NCOR2: variants seen among roughly 807,000 people sequenced by gnomAD.
NCOR2 encodes the protein CTG repeat protein 26.
In NCOR2, 81 loss-of-function variants were observed where a neutral mutation model predicts 262.9. That is an observed-to-expected ratio of 0.31 (90% CI 0.26 to 0.37). The LOEUF (loss-of-function observed/expected upper bound fraction) is 0.37. Ranked by LOEUF, NCOR2 falls within the 10% of genes least tolerant of loss-of-function variation. The pLI is 1.00. For missense variants in NCOR2, 3,385 were observed against 3,621.4 expected (o/e 0.93, Z 1.68); for synonymous variants, 1,659 against 1,559.3 (o/e 1.06, Z -1.51).
chr12:124,470,770 C>G, intron 4 of NCOR2, among the ~76,000 whole-genome samples: 1 of 152,216 alleles, frequency 6.6e-6, no homozygotes, highest in Non-Finnish European at 1.5e-5. Flanking sequence ...GTACGAAATG[C>G]CACTGAATTG....
In NCOR2 at chr12:124,389,191, G is replaced by A. The variant is rs1460118753; in HGVS notation, c.1877-3304C>T. On this transcript the variant is annotated intron_variant, in intron 16 of 46. Transcript: ENST00000405201. The surrounding 1 kb of genome is among the most constrained non-coding windows in gnomAD (Gnocchi z 4.4). ...CCAGTGCGGACGCTCAGCGAGCAAT[G>A]CCGGCCAGAGCCCACAGACCCCCGG... Among the ~76,000 whole-genome samples, 1 of 152,252 alleles carries A rather than the reference G, an allele frequency of 6.6e-6. No homozygotes were observed. The highest frequency in any genetic ancestry group is 2.4e-5 in the African/African-American group (1 of 41,468).
intron 41 of NCOR2, among the ~76,000 whole-genome samples, chr12:124,333,797 A>AGCATGT (rs1007628654): frequency 1.3e-5 from 2 of 151,148 alleles, no homozygotes; most frequent in East Asian, 2.0e-4. Flanking sequence ...AGTGTGCGTG[A>AGCATGT]GCATGTGCAT....
exon 47 of NCOR2, chr12:124,325,384 C>CA (rs1555297262): frequency 1.8e-5 from 9 of 486,696 alleles, no homozygotes; most frequent in South Asian, 1.3e-4. Flanking sequence ...ACCGCCCCCC[C>CA]CCCCGCCCTG....
At chr12:124,470,661 G>A (rs1311268317) in intron 4 of NCOR2, among the ~76,000 whole-genome samples, 1 of 152,232 alleles carries the variant, frequency 6.6e-6, no homozygotes, top group East Asian at 1.9e-4. Context: ...GAGAGTAGGG[G>A]AACGGGGAGT....
chr12:124,459,803 C>T (rs2046068068), intron 5 of NCOR2, among the ~76,000 whole-genome samples: 1 of 152,158 alleles, frequency 6.6e-6, no homozygotes, highest in Non-Finnish European at 1.5e-5. Flanking sequence ...TGTCTTCCTG[C>T]CACCCTGAGC....
At chr12:124,545,393 G>A (rs1157733409) in intron 1 of NCOR2, among the ~76,000 whole-genome samples, 1 of 152,208 alleles carries the variant, frequency 6.6e-6, no homozygotes, top group African/African-American at 2.4e-5. Flanking sequence ...CATGGGCAGG[G>A]CTCTGCAGGA....
intron 22 of NCOR2, among the ~76,000 whole-genome samples, chr12:124,359,688 G>A (rs2038361290): frequency 6.6e-6 from 1 of 152,232 alleles, no homozygotes; most frequent in Non-Finnish European, 1.5e-5. Flanking sequence ...AGAGAGGAGG[G>A]GAGCTGTTCG....
At chr12:124,488,060 C>G (rs1418093792) in intron 1 of NCOR2, among the ~76,000 whole-genome samples, 1 of 152,178 alleles carries the variant, frequency 6.6e-6, no homozygotes. Context: ...GGGACTTCGT[C>G]TCTTCTTGGC....
chr12:124,460,293 C>T (rs2046097486), intron 5 of NCOR2, among the ~76,000 whole-genome samples: 1 of 152,250 alleles, frequency 6.6e-6, no homozygotes, highest in Non-Finnish European at 1.5e-5. Flanking sequence ...GTGCGGCTGG[C>T]TCCCTCGCTC....
At chr12:124,466,785 A>C (rs2136637832) in intron 4 of NCOR2, among the ~76,000 whole-genome samples, 1 of 152,072 alleles carries the variant, frequency 6.6e-6, no homozygotes, top group South Asian at 2.1e-4. Context: ...ACTCCTACTT[A>C]CTGCGTAGCC....
At chr12:124,358,344 T>TA (rs1382995768) in intron 22 of NCOR2, among the ~76,000 whole-genome samples, 1 of 151,270 alleles carries the variant, frequency 6.6e-6, no homozygotes, top group Non-Finnish European at 1.5e-5. Context: ...TGTGTGCCTG[T>TA]ACACAATGTT....
At chr12:124,497,861 C>G (rs1469882075), upstream of NCOR2, among the ~76,000 whole-genome samples, 2 of 152,190 alleles carry the variant, frequency 1.3e-5, no homozygotes, top group African/African-American at 2.4e-5. This position sits in a 1 kb window ranked among gnomAD's most constrained non-coding sequence, Gnocchi z 4.2. Flanking sequence ...TAGCCCTGCC[C>G]GGCCCCAAGA....
rs3782256 is a variant in NCOR2 at position 124,369,851 on chromosome 12, C to G, written c.2807+2171G>C. On this transcript the variant is annotated intron_variant, in intron 20 of 46. Coordinates refer to ENST00000405201, the Ensembl canonical transcript of NCOR2. ...CTGGGCGGGGCTGCAGGGGAGAGGA[C>G]GGGAGGCTGCAAGTGCCCTGCGGGG... Among the ~76,000 whole-genome samples, 3 of 152,034 alleles carry G rather than the reference C, an allele frequency of 2.0e-5. No homozygotes were observed. In the East Asian group the frequency reaches 5.8e-4, roughly 29 times the overall value.
At position 124,533,808 on chromosome 12, in the gene NCOR2, C is replaced by T. The variant is rs1433342496; in HGVS notation, c.-118+1757G>A. The stretch of plus-strand genomic sequence containing the variant: ...ACTTGCACAAACCTAGACCTCAGTG[C>T]CAGCGGTACACCCAGGTTGTGTGGT... On this transcript the variant is annotated intron_variant, in intron 1 of 46. Transcript: ENST00000404621. Among the ~76,000 whole-genome samples, 3 of 152,222 alleles carry T rather than the reference C, an allele frequency of 2.0e-5. No homozygotes were observed. In the East Asian group the frequency reaches 5.8e-4, roughly 29 times the overall value.
intron 1 of NCOR2, among the ~76,000 whole-genome samples, chr12:124,550,295 G>T (rs1280391050): frequency 6.6e-6 from 1 of 152,158 alleles, no homozygotes; most frequent in Non-Finnish European, 1.5e-5. Flanking sequence ...GAGGTCACAG[G>T]GCTCAGAGAG....
chr12:124,518,495 G>A (rs922862735), intron 1 of NCOR2, among the ~76,000 whole-genome samples: 4 of 152,220 alleles, frequency 2.6e-5, no homozygotes, highest in Non-Finnish European at 4.4e-5. Context: ...CAAGTGCGGG[G>A]CCGCCTGACC....
Position 124,482,850 on chromosome 12 carries a change from G to A in NCOR2, c.411+746C>T, listed in dbSNP as rs1329852695. 6.6e-6 allele frequency among the ~76,000 whole-genome samples: 1 copy of A among 152,130 alleles called. No homozygotes were observed. Among genetic ancestry groups the A allele is most frequent in the East Asian group, 1.9e-4 (1 of 5,200 alleles). ...CTGGGTGGCTGCAGACTCAACCCAC[G>A]CTAGCCCAGTGCCACACGGTGGCCC... On this transcript the variant is annotated intron_variant, in intron 3 of 46. Transcript: ENST00000405201. This position sits in a 1 kb window ranked among gnomAD's most constrained non-coding sequence, Gnocchi z 6.3.
intron 16 of NCOR2, 81 bp from the exon 19 acceptor site, chr12:124,385,968 A>T: frequency 6.6e-7 from 1 of 1,519,054 alleles, no homozygotes; most frequent in African/African-American, 1.4e-5. Flanking sequence ...TGGGCGGCAA[A>T]CGGGCCTGGA....
chr12:124,359,368 A>C (rs1394932089), intron 22 of NCOR2, among the ~76,000 whole-genome samples: 1 of 152,236 alleles, frequency 6.6e-6, no homozygotes, highest in Non-Finnish European at 1.5e-5. Context: ...GAGAGTGCTA[A>C]GATCAATTAA....
Sources: gnomAD v4.1 joint callset for allele counts (sites outside exome capture counted in the v4.1 genomes callset) on GRCh38, gnomAD v4.1.1 for gene constraint, Gnocchi (gnomAD v3.1) non-coding constraint, MANE v1.5 for transcripts, NCBI Gene and HGNC (gene_info 2026-07-23, HGNC 2026-07-21) for gene names.